The following PCDHA6 variants were observed in gnomAD, a reference collection of about 807,000 sequenced individuals.
PCDHA6 encodes the protein protocadherin alpha-6.
Under a neutral mutation model 60.3 loss-of-function variants are expected in PCDHA6, and 55 were observed. The observed-to-expected ratio is 0.91, with a 90% CI of 0.73 to 1.14. The LOEUF is 1.14. PCDHA6 is among the 50% of genes most tolerant of loss of function. PCDHA6 has a pLI of 0.00. For synonymous variants in PCDHA6, 652 were observed against 557.9 expected, an observed-to-expected ratio of 1.17 and a Z score of -2.38; for missense variants, 1,327 against 1,256.5, an observed-to-expected ratio of 1.06 and a Z score of -0.85.
chr5:140,835,972 T>G (rs2150249264), intron 1 of PCDHA6: 2 of 1,613,340 alleles, frequency 1.2e-6, no homozygotes, highest in South Asian at 2.2e-5. Context: ...GAGCTGGAGC[T>G]GTTGCAGTTC....
At chr5:140,935,073 A>G (rs77827614) in intron 1 of PCDHA6, among the ~76,000 whole-genome samples, 63 of 152,260 alleles carry the variant, frequency 4.1e-4, no homozygotes, top group African/African-American at 1.3e-3. Context: ...ATTATCTTGT[A>G]CATTTCCTTT....
chr5:140,992,584 T>G (rs1327367703), intron 3 of PCDHA6, among the ~76,000 whole-genome samples: 1 of 152,194 alleles, frequency 6.6e-6, no homozygotes, highest in Non-Finnish European at 1.5e-5. Context: ...CTGCCTTGTA[T>G]GCATCTAGCG....
intron 1 of PCDHA6, chr5:140,865,859 A>T (rs1328083716): frequency 1.3e-5 from 2 of 152,318 alleles, no homozygotes; most frequent in East Asian, 3.9e-4. Context: ...CTGCTCAAAC[A>T]TGGTCTCGGC....
intron 1 of PCDHA6, chr5:140,851,286 C>T (rs956539821): frequency 9.6e-7 from 1 of 1,038,578 alleles, no homozygotes; most frequent in South Asian, 4.4e-5. Context: ...TATAAGAAAC[C>T]CAAGCAAAAA....
chr5:140,850,365 G>T (rs2150481125), intron 1 of PCDHA6: 4 of 1,597,962 alleles, frequency 2.5e-6, no homozygotes, highest in Middle Eastern at 1.7e-4. Flanking sequence ...CCCGTTCCGC[G>T]TGGGGCTGTA....
At chr5:140,941,214 C>CCTTTCTTTCTTT (rs60032403) in intron 1 of PCDHA6, among the ~76,000 whole-genome samples, 2,129 of 122,416 alleles carry the variant, frequency 0.017, 41 homozygotes, top group Non-Finnish European at 0.024. Context: ...TTTCTTTCTT[C>CCTTTCTTTCTTT]CTTTCTTTCT....
intron 1 of PCDHA6, chr5:140,883,404 C>A: frequency 6.2e-7 from 1 of 1,614,222 alleles, no homozygotes; most frequent in Non-Finnish European, 8.5e-7. Context: ...GATCGTGACT[C>A]TGGCTCAAAT....
At chr5:140,865,051 T>A (rs1228832316) in intron 1 of PCDHA6, 1 of 151,882 alleles carries the variant, frequency 6.6e-6, no homozygotes, top group Admixed American at 6.6e-5. Flanking sequence ...AATGTCATTG[T>A]TTTTAATAAC....
Position 140,884,013 on chromosome 5 carries a change from C to T in PCDHA6, c.2394+53528C>T, listed in dbSNP as rs148971741. The T allele has an allele frequency of 5.1e-5, 82 of 1,613,132 alleles. No homozygotes were observed. The African/African-American group carries it at 9.2e-4, about 18-fold the overall frequency. On this transcript the variant is annotated intron_variant, in intron 1 of 3. Transcript: ENST00000529310. ...GGAGGCACAGTGAGCGAGCTGATGC[C>T]GCGGTCGGTGGGTGCAGGCCACGTG...
chr5:140,974,605 G>T (rs2096633635), intron 1 of PCDHA6, among the ~76,000 whole-genome samples: 1 of 152,088 alleles, frequency 6.6e-6, no homozygotes, highest in Non-Finnish European at 1.5e-5. Context: ...TCTGCCTCCA[G>T]GGTTCAAGCG....
At chr5:140,881,623 A>G (rs1179461885) in intron 1 of PCDHA6, among the ~76,000 whole-genome samples, 1 of 152,188 alleles carries the variant, frequency 6.6e-6, no homozygotes, top group East Asian at 1.9e-4. Flanking sequence ...TCAAAATCTG[A>G]TATATCAGTT....
intron 1 of PCDHA6, among the ~76,000 whole-genome samples, chr5:140,838,565 A>G (rs1275372671): frequency 2.0e-5 from 3 of 151,890 alleles, no homozygotes; most frequent in South Asian, 4.2e-4. Context: ...CCAGTACTGT[A>G]TTAGGGACAT....
intron 3 of PCDHA6, among the ~76,000 whole-genome samples, chr5:140,987,372 A>G (rs1357478474): frequency 6.6e-6 from 1 of 152,204 alleles, no homozygotes; most frequent in Non-Finnish European, 1.5e-5. Flanking sequence ...ATATCATTAC[A>G]GGGTCAGAAT....
intron 1 of PCDHA6, chr5:140,927,597 C>T (rs781933372): frequency 1.2e-6 from 2 of 1,614,200 alleles, no homozygotes; most frequent in South Asian, 1.1e-5. Context: ...TATTTGAGCG[C>T]TCCGTATACC....
chr5:140,968,989 C>T, intron 1 of PCDHA6: 1 of 1,614,234 alleles, frequency 6.2e-7, no homozygotes, highest in Non-Finnish European at 8.5e-7. Flanking sequence ...GCACTGCATG[C>T]TGTGGAGGCT....
At chr5:141,001,723 A>G (rs936645287) in intron 3 of PCDHA6, among the ~76,000 whole-genome samples, 22 of 152,286 alleles carry the variant, frequency 1.4e-4, no homozygotes, top group African/African-American at 4.8e-4. Context: ...GGAGCTTGAG[A>G]TATTTTACAA....
chr5:140,883,997 G>A, intron 1 of PCDHA6: 1 of 1,613,014 alleles, frequency 6.2e-7, no homozygotes, highest in Non-Finnish European at 8.5e-7. Context: ...GGGAGGCACA[G>A]TGAGCGAGCT....
intron 1 of PCDHA6, among the ~76,000 whole-genome samples, chr5:140,935,416 A>G (rs35902736): frequency 0.059 from 8,919 of 152,326 alleles, 374 homozygotes; most frequent in Non-Finnish European, 0.083. Context: ...ATGGACTTAG[A>G]AAACAATTTC....
At chr5:140,929,104 A>G in intron 1 of PCDHA6, 1 of 1,614,240 alleles carries the variant, frequency 6.2e-7, no homozygotes. Flanking sequence ...TCCTTGCATG[A>G]CATCAGCCAC....
Sources: gnomAD v4.1 joint callset for allele counts (sites outside exome capture counted in the v4.1 genomes callset) on GRCh38, gnomAD v4.1.1 for gene constraint, MANE v1.5 for transcripts, NCBI Gene and HGNC (gene_info 2026-07-23, HGNC 2026-07-21) for gene names.